MBOAT1: variants seen among roughly 807,000 people sequenced by gnomAD.
MBOAT1 encodes membrane-bound glycerophospholipid O-acyltransferase 1.
In MBOAT1, 67 loss-of-function variants were observed where a neutral mutation model predicts 64.4. The observed-to-expected ratio is 1.04, with a 90% CI of 0.85 to 1.27. MBOAT1 has a LOEUF of 1.27. Ranked by LOEUF, MBOAT1 falls within the 50% of genes most tolerant of loss-of-function variation. The pLI, the probability that MBOAT1 is intolerant of heterozygous loss-of-function variation, is 0.00. For synonymous variants in MBOAT1, 229 were observed against 218.9 expected (o/e 1.05, Z -0.41); for missense variants, 563 against 604.6 (o/e 0.93, Z 0.72).
intron 3 of MBOAT1, 92 bp from the exon 4 acceptor site, chr6:20,144,407 T>C: frequency 1.2e-6 from 1 of 819,952 alleles, no homozygotes; most frequent in Non-Finnish European, 2.0e-6. Flanking sequence ...ATCCTTCACG[T>C]GCAGTTGGTC....
intron 1 of MBOAT1, among the ~76,000 whole-genome samples, chr6:20,178,701 C>G (rs566026271): frequency 6.6e-6 from 1 of 152,212 alleles, no homozygotes; most frequent in East Asian, 1.9e-4. Flanking sequence ...AGGTATACTT[C>G]AAGTACACCT....
chr6:20,112,374 T>C (rs530361916), intron 11 of MBOAT1, among the ~76,000 whole-genome samples: 2 of 152,262 alleles, frequency 1.3e-5, no homozygotes, highest in Admixed American at 6.5e-5. Context: ...GCTAACTGCG[T>C]TGGGCGTGTG....
chr6:20,132,805 T>C (rs1417010560), intron 4 of MBOAT1, among the ~76,000 whole-genome samples: 5 of 152,192 alleles, frequency 3.3e-5, no homozygotes, highest in South Asian at 2.1e-4. Context: ...AAGAAAATAT[T>C]TGCAAACCAT....
intron 1 of MBOAT1, among the ~76,000 whole-genome samples, chr6:20,198,009 T>C (rs1478451417): frequency 6.6e-6 from 1 of 151,126 alleles, no homozygotes; most frequent in Non-Finnish European, 1.5e-5. Flanking sequence ...GTGAAACACT[T>C]GAGGTCAGGA....
At chr6:20,176,590 T>C (rs1161127085) in intron 1 of MBOAT1, among the ~76,000 whole-genome samples, 1 of 152,208 alleles carries the variant, frequency 6.6e-6, no homozygotes, top group Non-Finnish European at 1.5e-5. Flanking sequence ...AAGTGTCTGT[T>C]ATGATAATGA....
chr6:20,125,252 G>A (rs1034248356), intron 7 of MBOAT1, among the ~76,000 whole-genome samples: 1 of 152,160 alleles, frequency 6.6e-6, no homozygotes, highest in Non-Finnish European at 1.5e-5. Context: ...TCTAGTCTCC[G>A]ACTTCATAAA....
chr6:20,129,732 C>A lies in MBOAT1; in HGVS notation c.476-979G>T, dbSNP rs141269432. 1.9e-3 allele frequency among the ~76,000 whole-genome samples: 286 copies of A among 152,254 alleles called. 2 individuals are homozygous for A. The highest frequency in any genetic ancestry group is 6.8e-3 in the African/African-American group (283 of 41,556). ...TTATAAGATCTCATCAAATAGTAATCGCTGGCAATCCTAGAAATTAAACTG... is the reference window on the plus strand; with the variant it reads ...TTATAAGATCTCATCAAATAGTAATAGCTGGCAATCCTAGAAATTAAACTG... On this transcript the variant is annotated intron_variant, in intron 5 of 12. Coordinates refer to ENST00000324607, the MANE Select transcript of MBOAT1 (RefSeq NM_001080480.3).
Position 20,181,896 on chromosome 6 carries a change from G to C in MBOAT1, c.100-29127C>G, listed in dbSNP as rs550630006. Among the ~76,000 whole-genome samples the C allele has an allele frequency of 5.9e-5, 9 of 152,342 alleles. No individual in the cohort carries two copies. The South Asian group carries it at 1.9e-3, about 32-fold the overall frequency. On this transcript the variant is annotated intron_variant, in intron 1 of 12. Transcript: ENST00000324607. ...TAGTAAATTTAAGGAAGGGCTACCA[G>C]CACACAGAACTTCTCATAGACAACA... is the stretch of plus-strand genomic sequence containing the variant.
intron 1 of MBOAT1, among the ~76,000 whole-genome samples, chr6:20,200,075 C>A (rs1763076758): frequency 6.6e-6 from 1 of 152,180 alleles, no homozygotes. Flanking sequence ...CTATAAACAC[C>A]TCAACATCCC....
chr6:20,209,625 G>C (rs1561790600), intron 1 of MBOAT1, among the ~76,000 whole-genome samples: 3 of 152,282 alleles, frequency 2.0e-5, no homozygotes, highest in South Asian at 4.1e-4. Flanking sequence ...GTGTCCTTAA[G>C]AGGCATACAA....
chr6:20,191,606 G>A (rs963781484), intron 1 of MBOAT1, among the ~76,000 whole-genome samples: 3 of 152,108 alleles, frequency 2.0e-5, no homozygotes, highest in Non-Finnish European at 4.4e-5. Context: ...GACCACTATG[G>A]CCACCTGCCT....
intron 1 of MBOAT1, among the ~76,000 whole-genome samples, chr6:20,175,157 T>G (rs2113731820): frequency 6.6e-6 from 1 of 152,230 alleles, no homozygotes; most frequent in Non-Finnish European, 1.5e-5. Flanking sequence ...GAAAAAAAAT[T>G]TAATTACTAA....
chr6:20,124,079 A>G (rs945390989), intron 8 of MBOAT1, among the ~76,000 whole-genome samples: 7 of 152,140 alleles, frequency 4.6e-5, no homozygotes, highest in Non-Finnish European at 8.8e-5. Flanking sequence ...AGCCAGATCA[A>G]TCATTCCAGA....
At chr6:20,162,587 T>C (rs1390565905) in intron 1 of MBOAT1, among the ~76,000 whole-genome samples, 1 of 152,216 alleles carries the variant, frequency 6.6e-6, no homozygotes, top group East Asian at 1.9e-4. Flanking sequence ...TCCACAAATG[T>C]TGGCTGTTAT....
rs2483760 is a variant in MBOAT1, at chr6:20,131,740, G to A, written c.420-541C>T. ...AAATAAACCATTTTTATTTCCCTTCGAAATCACTTTACATAGATAGATATA... is the reference window on the plus strand; with the variant it reads ...AAATAAACCATTTTTATTTCCCTTCAAAATCACTTTACATAGATAGATATA... On this transcript the variant is annotated intron_variant, in intron 4 of 12. Coordinates refer to ENST00000324607, the MANE Select transcript of MBOAT1 (RefSeq NM_001080480.3). Among the ~76,000 whole-genome samples the A allele has an allele frequency of 5.8e-3, 882 of 152,062 alleles. 10 individuals carry two copies. Among genetic ancestry groups the A allele is most frequent in the African/African-American group, 0.019 (804 of 41,456 alleles).
intron 1 of MBOAT1, among the ~76,000 whole-genome samples, chr6:20,209,043 C>T (rs1191449395): frequency 6.6e-6 from 1 of 152,162 alleles, no homozygotes; most frequent in Non-Finnish European, 1.5e-5. Flanking sequence ...GCAGATGATT[C>T]CTTGATTCCC....
At position 20,212,454 on chromosome 6, in the gene MBOAT1, G is replaced by A; in HGVS notation, c.-220C>T. ...GCTTTGGCGCTGGCGCTGCAGCCAC[G>A]GGCGCCGTAGGAGGGCCGGGCCCAA... On this transcript the variant is annotated 5_prime_UTR_variant, in exon 1 of 13. Transcript: ENST00000324607. 1.8e-6 allele frequency: 1 copy of A among 556,540 alleles called. No individual in the cohort carries two copies. Among genetic ancestry groups the A allele is most frequent in the East Asian group, 3.2e-5 (1 of 31,328 alleles). The allele number at this position is 556,540 out of a possible 1,614,324, so 34.5% of individuals were successfully genotyped here. A position where few individuals can be genotyped will look rare whatever the true frequency, so the allele number is the denominator to read the frequency against.
chr6:20,140,733 T>C (rs1761145306), intron 4 of MBOAT1, among the ~76,000 whole-genome samples: 1 of 152,198 alleles, frequency 6.6e-6, no homozygotes. Context: ...TGGTGGGACT[T>C]CTTGGCCTCC....
chr6:20,130,628 C>T lies in MBOAT1; in HGVS notation c.475+516G>A, dbSNP rs148763119. Among the ~76,000 whole-genome samples the T allele has an allele frequency of 4.8e-4, 73 of 152,034 alleles. No homozygotes were observed. In the East Asian group the frequency reaches 0.014, roughly 29 times the overall value. On this transcript the variant is annotated intron_variant, in intron 5 of 12. Coordinates refer to ENST00000324607, the MANE Select transcript of MBOAT1 (RefSeq NM_001080480.3). Reference sequence around the variant, plus strand: ...TCGGCCTCCCAAAGTGCTGGGATTACAGGTGTGAGCCACCGTGCCTGGCCC... The same window carrying T: ...TCGGCCTCCCAAAGTGCTGGGATTATAGGTGTGAGCCACCGTGCCTGGCCC...
Sources: allele counts gnomAD v4.1 joint callset (sites outside exome capture counted in the v4.1 genomes callset), GRCh38; gene constraint gnomAD v4.1.1; transcripts MANE v1.5; gene names NCBI Gene and HGNC (gene_info 2026-07-23, HGNC 2026-07-21).